A2M: variants seen among roughly 807,000 people sequenced by gnomAD.
The protein encoded by A2M is alpha-2-macroglobulin.
In A2M, 128 loss-of-function variants were observed where a neutral mutation model predicts 183.9. The ratio of observed to expected loss-of-function variants is 0.70; its 90% CI spans 0.60 to 0.81. The LOEUF (loss-of-function observed/expected upper bound fraction) is 0.81, where lower values mean the gene tolerates loss of function less well. Ranked by LOEUF, A2M falls within the 30% of genes least tolerant of loss-of-function variation. The probability of loss-of-function intolerance (pLI) is 0.00; values close to 1 mark genes in which losing one functional copy is unlikely to be tolerated. For synonymous variants in A2M, 592 were observed against 670.8 expected (o/e 0.88, Z 1.81); for missense variants, 1,495 against 1,787.6 (o/e 0.84, Z 2.95).
chr12:9,108,301 AT>A (rs1179560417), intron 7 of A2M, among the ~76,000 whole-genome samples: 13 of 151,476 alleles, frequency 8.6e-5, no homozygotes, highest in African/African-American at 2.4e-4. Flanking sequence ...AATTTTTTGT[AT>A]TTTTTAGTAG....
At position 9,076,750 on chromosome 12, in the gene A2M, T is replaced by C. The variant is rs1948757633; in HGVS notation, c.3532+6A>G. The C allele has an allele frequency of 6.2e-7, 1 of 1,613,696 alleles. No homozygotes were observed. The highest frequency in any genetic ancestry group is 8.5e-7 in the Non-Finnish European group (1 of 1,179,808). On this transcript the variant is annotated splice_donor_region_variant and intron_variant, in intron 28 of 35. Transcript: ENST00000318602. ...GCCAGGAGAAGGATCTCAGGTGTGC[T>C]CTCACCTTTCTTCACAGCTTCCTCA...
At chr12:9,111,404 G>T in intron 4 of A2M, 2 of 400,250 alleles carry the variant, frequency 5.0e-6, no homozygotes, top group Non-Finnish European at 9.9e-6. Flanking sequence ...TTAGACAGAG[G>T]AGTGAAAGTA....
In A2M at chr12:9,101,171, G is replaced by T; in HGVS notation, c.1531C>A (p.His511Asn). ...TCTTCCTGCTTCACAAGCAGTCCAT[G>T]AGTCCCAGTTCGGACAATGCCTCCC... Reference protein sequence around the residue: ...AKGGIVRTGTHGLLVKQEDMK... With the variant: ...AKGGIVRTGTNGLLVKQEDMK... Residue 511 changes from histidine (H) to asparagine (N), a missense_variant, in exon 13 of 36, where the codon CAT (histidine) becomes AAT (asparagine). Transcript: ENST00000318602. 6.4e-7 allele frequency: 1 copy of T among 1,561,776 alleles called. No individual in the cohort carries two copies. Among genetic ancestry groups the T allele is most frequent in the Non-Finnish European group, 8.7e-7 (1 of 1,152,106 alleles).
chr12:9,091,218 G>A lies in A2M; in HGVS notation c.2452C>T (p.Leu818Phe). 6.2e-7 allele frequency: 1 copy of A among 1,614,132 alleles called. No individual in the cohort carries two copies. Among genetic ancestry groups the A allele is most frequent in the Non-Finnish European group, 8.5e-7 (1 of 1,179,998 alleles). ...ATCCTTACCCGGATGCATTTGGGAA[G>A]GTAGTTTAGGACCGTGGCCTTGAGT... ...FTLKATVLNY[L>F]PKCIRVSVQL... The change falls in exon 19 of 36, where the codon CTT (leucine) becomes TTT (phenylalanine). Residue 818 changes from leucine to phenylalanine, a missense_variant. Transcript: ENST00000318602.
At chr12:9,068,290 C>T in intron 34 of A2M, 66 bp from the exon 35 acceptor site, 1 of 1,527,758 alleles carries the variant, frequency 6.5e-7, no homozygotes, top group Non-Finnish European at 8.9e-7. Context: ...AAGCAAACAT[C>T]TGTGGGATAC....
intron 35 of A2M, 146 bp from the exon 36 acceptor site, chr12:9,067,985 A>G (rs1948446919): frequency 2.0e-6 from 2 of 986,386 alleles, no homozygotes; most frequent in South Asian, 1.4e-5. Context: ...ATCATTACCC[A>G]TAAGCAATCC....
rs1309526285 is a variant in A2M, at chr12:9,098,695, G to A, written c.1763C>T (p.Thr588Ile). The change falls in exon 15 of 36, where the codon ACA becomes ATA. Residue 588 changes from threonine to isoleucine, a missense_variant. Coordinates refer to ENST00000318602, the MANE Select transcript of A2M (RefSeq NM_000014.6). ...GGCGCAGACGGACTGAGGAGCCGCTGTGACTCGCAGGTGGGCGTGTGAGGC... is the reference window on the plus strand; with the variant it reads ...GGCGCAGACGGACTGAGGAGCCGCTATGACTCGCAGGTGGGCGTGTGAGGC... Reference protein sequence around the residue: ...LPASHAHLRVTAAPQSVCALR... With the variant: ...LPASHAHLRVIAAPQSVCALR... 1.2e-6 allele frequency: 2 copies of A among 1,612,464 alleles called. No homozygotes were observed. Among genetic ancestry groups the A allele is most frequent in the South Asian group, 1.1e-5 (1 of 90,254 alleles).
Position 9,091,442 on chromosome 12 carries a change from G to A in A2M, c.2241-13C>T, listed in dbSNP as rs1173857623. 9.3e-6 allele frequency: 15 copies of A among 1,613,508 alleles called. No homozygotes were observed. Among genetic ancestry groups the A allele is most frequent in the South Asian group, 8.8e-5 (8 of 91,044 alleles). ...CACACCTGCTGAGCTGGAGAGGAGTGTAAGTGAAGAACAGAAAGTAAGCAG... is the reference window on the plus strand; with the variant it reads ...CACACCTGCTGAGCTGGAGAGGAGTATAAGTGAAGAACAGAAAGTAAGCAG... On this transcript the variant is annotated splice_polypyrimidine_tract_variant and intron_variant, in intron 18 of 35. Transcript: ENST00000318602.
chr12:9,074,252 G>C (rs1226135891), intron 29 of A2M, among the ~76,000 whole-genome samples: 1 of 152,120 alleles, frequency 6.6e-6, no homozygotes, highest in Non-Finnish European at 1.5e-5. Context: ...GAGCTTTCAG[G>C]AGAATGGCAG....
chr12:9,093,382 A>G (rs1949268651), intron 18 of A2M, 83 bp downstream of exon 18: 4 of 903,550 alleles, frequency 4.4e-6, no homozygotes, highest in Non-Finnish European at 7.2e-6. Flanking sequence ...ATATAAAACA[A>G]TAAAAACAGA....
intron 7 of A2M, 86 bp downstream of exon 7, chr12:9,109,235 C>T: frequency 1.8e-6 from 2 of 1,082,938 alleles, no homozygotes; most frequent in African/African-American, 1.6e-5. Flanking sequence ...GTTGCCACTG[C>T]TCCCGGAGAG....
chr12:9,074,431 A>G (rs1948674044), intron 29 of A2M, 129 bp downstream of exon 29: 1 of 869,582 alleles, frequency 1.1e-6, no homozygotes, highest in Non-Finnish European at 1.8e-6. Context: ...ATCCTTGGAT[A>G]CTGAAAACTT....
rs1938616903 is a variant in A2M at position 9,110,162 on chromosome 12, G to A, written c.505-127C>T. On this transcript the variant is annotated intron_variant, in intron 5 of 35. Transcript: ENST00000318602. ...GGGGTAGTAGTAAAGGGTGAGTAGA[G>A]GAGATGAGTTATAGCCATCTAGCTC... The A allele has an allele frequency of 7.7e-6, 9 of 1,167,600 alleles. No individual in the cohort carries two copies. In the South Asian group the frequency reaches 1.4e-4, roughly 18 times the overall value. 72.3% of individuals were successfully genotyped at this position (1,167,600 alleles called of 1,614,324 possible). A position where few individuals can be genotyped will look rare whatever the true frequency, so the allele number is the denominator to read the frequency against.
intron 31 of A2M, 81 bp from the exon 32 acceptor site, chr12:9,070,659 C>G: frequency 1.1e-6 from 1 of 936,708 alleles, no homozygotes; most frequent in Non-Finnish European, 1.7e-6. Flanking sequence ...TTAAGCATTC[C>G]ACAGCTCTAA....
Position 9,088,266 on chromosome 12 carries a change from T to A in A2M, c.2770+934A>T, listed in dbSNP as rs1034374512. 1.5e-3 allele frequency among the ~76,000 whole-genome samples: 234 copies of A among 151,158 alleles called. 1 individual carries two copies. The highest frequency in any genetic ancestry group is 5.5e-3 in the African/African-American group (224 of 40,784). ...TAATGTGATGTTCTGTTTTTTTTTT[T>A]AAAGAAGAATATATTTTTGTAAAAT... is the stretch of plus-strand genomic sequence containing the variant. On this transcript the variant is annotated intron_variant, in intron 22 of 35. Coordinates refer to ENST00000318602, the MANE Select transcript of A2M (RefSeq NM_000014.6).
intron 16 of A2M, 132 bp downstream of exon 16, chr12:9,095,407 A>G: frequency 1.2e-6 from 1 of 833,582 alleles, no homozygotes; most frequent in Non-Finnish European, 1.8e-6. Flanking sequence ...TGCTATTAGT[A>G]GAGAAGCCAC....
At position 9,074,736 on chromosome 12, in the gene A2M, C is replaced by T. The variant is rs1948686888; in HGVS notation, c.3580G>A (p.Gly1194Arg). ...GGAGCCTGGGGTTCGTAAAAATGCC[C>T]CACTGGTGCCTTGGGTTTCTGAGGG... ...ERPQKPKAPVGHFYEPQAPSA... is the reference protein window; with the variant it reads ...ERPQKPKAPVRHFYEPQAPSA... The change falls in exon 29 of 36, where the codon GGG becomes AGG. Residue 1194 changes from glycine to arginine, a missense_variant. Physicochemically the swap from Gly to Arg is moderately radical, Grantham distance 125 (BLOSUM62 -2). Coordinates refer to ENST00000318602, the MANE Select transcript of A2M (RefSeq NM_000014.6). The T allele has an allele frequency of 3.1e-6, 5 of 1,613,684 alleles. No individual in the cohort carries two copies. The highest frequency in any genetic ancestry group is 4.5e-5 in the East Asian group (2 of 44,870).
chr12:9,083,142 AG>A (rs1334632821), intron 22 of A2M, among the ~76,000 whole-genome samples: 1 of 152,138 alleles, frequency 6.6e-6, no homozygotes, highest in Non-Finnish European at 1.5e-5. Flanking sequence ...TTGCAAGGAC[AG>A]AAAAACAAAC....
chr12:9,109,241 G>T, intron 7 of A2M, 80 bp downstream of exon 7: 1 of 1,153,232 alleles, frequency 8.7e-7, no homozygotes, highest in Non-Finnish European at 1.3e-6. Context: ...ACTGCTCCCG[G>T]AGAGAGTAGT....
Sources: allele counts gnomAD v4.1 joint callset (sites outside exome capture counted in the v4.1 genomes callset), GRCh38; gene constraint gnomAD v4.1.1; transcripts MANE v1.5; gene names NCBI Gene and HGNC (gene_info 2026-07-23, HGNC 2026-07-21).